ARHGAP32: variants seen among roughly 807,000 people sequenced by gnomAD.
ARHGAP32 encodes rho GTPase-activating protein 32.
A neutral mutation model predicts 186.5 loss-of-function variants in ARHGAP32; 51 were observed. That is an observed-to-expected ratio of 0.27 (90% CI 0.22 to 0.35). The LOEUF (loss-of-function observed/expected upper bound fraction) is 0.35, where lower values mean the gene tolerates loss of function less well. Ranked by LOEUF, ARHGAP32 falls within the 10% of genes least tolerant of loss-of-function variation. The pLI, the probability that ARHGAP32 is intolerant of heterozygous loss-of-function variation, is 1.00. For synonymous variants in ARHGAP32, 950 were observed against 964.3 expected (o/e 0.99, Z 0.27); for missense variants, 2,186 against 2,623.5 (o/e 0.83, Z 3.64).
chr11:129,193,350 G>T (rs1403857820), upstream of ARHGAP32, among the ~76,000 whole-genome samples: 2 of 110,046 alleles, frequency 1.8e-5, no homozygotes, highest in African/African-American at 7.2e-5. Context: ...AAGTGTGGTG[G>T]TGCACCCTGT....
intron 1 of ARHGAP32, among the ~76,000 whole-genome samples, chr11:129,204,874 T>C (rs527928996): frequency 6.6e-5 from 10 of 152,330 alleles, no homozygotes; most frequent in African/African-American, 2.2e-4. Flanking sequence ...ACTACTATTC[T>C]GGTATCAGTA....
intron 5 of ARHGAP32, among the ~76,000 whole-genome samples, chr11:129,094,819 T>G (rs909682315): frequency 6.6e-6 from 1 of 152,228 alleles, no homozygotes; most frequent in African/African-American, 2.4e-5. Context: ...CAAATGTGTT[T>G]ATAATTTGCA....
At chr11:129,231,196 T>C (rs965375455) in intron 1 of ARHGAP32, among the ~76,000 whole-genome samples, 2 of 152,202 alleles carry the variant, frequency 1.3e-5, no homozygotes, top group African/African-American at 2.4e-5. Context: ...ATACTTTGTG[T>C]TTCTTGTGCA....
rs115249876 is a variant in ARHGAP32 at position 129,233,679 on chromosome 11, G to A, written c.-5+45467C>T. Among the ~76,000 whole-genome samples the A allele has an allele frequency of 2.9e-3, 444 of 150,732 alleles. 4 individuals are homozygous for A. The highest frequency in any genetic ancestry group is 0.011 in the African/African-American group (432 of 41,128). On this transcript the variant is annotated intron_variant, in intron 1 of 6. Transcript: ENST00000525234. ...TTTGGGGATAATGGAAAAAGTAACT[G>A]CAGTATATTCATACAATGAAAATAT...
intron 2 of ARHGAP32, among the ~76,000 whole-genome samples, chr11:129,157,300 G>A (rs1347325821): frequency 1.3e-5 from 2 of 152,178 alleles, no homozygotes; most frequent in South Asian, 2.1e-4. Flanking sequence ...GGAGCATGTT[G>A]TAACCCAATG....
At chr11:129,166,321 CAAG>C (rs911183908) in intron 1 of ARHGAP32, among the ~76,000 whole-genome samples, 5 of 151,412 alleles carry the variant, frequency 3.3e-5, no homozygotes, top group African/African-American at 1.2e-4. Flanking sequence ...TTTTTTAAAA[CAAG>C]AGAATGTGAC....
At chr11:129,249,560 C>T (rs1945151180) in intron 1 of ARHGAP32, among the ~76,000 whole-genome samples, 3 of 152,082 alleles carry the variant, frequency 2.0e-5, no homozygotes, top group Admixed American at 6.6e-5. Context: ...AGCGGTTTCC[C>T]AAAGTAGACT....
At chr11:129,053,259 C>T (rs897389718) in intron 10 of ARHGAP32, among the ~76,000 whole-genome samples, 4 of 151,938 alleles carry the variant, frequency 2.6e-5, no homozygotes, top group East Asian at 1.9e-4. Context: ...AAAGTAGCAA[C>T]AAATAAAACA....
At chr11:129,025,849 T>C (rs1196288805) in intron 11 of ARHGAP32, among the ~76,000 whole-genome samples, 2 of 148,676 alleles carry the variant, frequency 1.3e-5, no homozygotes, top group East Asian at 1.9e-4. Flanking sequence ...TTTTATCATA[T>C]TATATATAAC....
chr11:129,195,533 G>A (rs1944379960), upstream of ARHGAP32, among the ~76,000 whole-genome samples: 1 of 151,774 alleles, frequency 6.6e-6, no homozygotes, highest in Non-Finnish European at 1.5e-5. Context: ...TGGGATTACA[G>A]GCACCCGCCA....
intron 2 of ARHGAP32, among the ~76,000 whole-genome samples, chr11:129,137,153 G>T (rs190214327): frequency 1.3e-5 from 2 of 150,386 alleles, no homozygotes; most frequent in East Asian, 3.9e-4. Flanking sequence ...AAAAAAAAAA[G>T]CATGGTACAA....
In ARHGAP32 at chr11:128,976,579, A is replaced by G. The variant is rs747174845; in HGVS notation, c.2178T>C (p.Ser726=). 2 of 1,613,868 alleles carry G rather than the reference A, an allele frequency of 1.2e-6. No homozygotes were observed. Among genetic ancestry groups the G allele is most frequent in the East Asian group, 2.2e-5 (1 of 44,848 alleles). Residue 726 remains serine (S), a synonymous_variant, in exon 20 of 23, where the codon TCT becomes TCC. Transcript: ENST00000682385. ...TAGTCTTACCATCAACTGCATGGAG[A>G]GATGTAAGAGACTCCTCACTTTTAG... The part of the protein sequence containing the change: ...RSAKSEESLT[S]LHAVDGDSKL...
At chr11:128,978,628 C>T (rs1945619509) in intron 19 of ARHGAP32, 142 bp downstream of exon 19, 7 of 619,834 alleles carry the variant, frequency 1.1e-5, no homozygotes, top group African/African-American at 7.7e-5. Flanking sequence ...AATAAAGAAT[C>T]GGTGAGAGAA....
intron 10 of ARHGAP32, among the ~76,000 whole-genome samples, chr11:129,058,584 G>C (rs1940361850): frequency 6.6e-6 from 1 of 152,188 alleles, no homozygotes; most frequent in Non-Finnish European, 1.5e-5. Flanking sequence ...AGGCCCCTCA[G>C]GGCTGCTGCA....
chr11:129,016,899 C>T (rs1318996554), intron 11 of ARHGAP32, among the ~76,000 whole-genome samples: 1 of 152,146 alleles, frequency 6.6e-6, no homozygotes, highest in East Asian at 1.9e-4. Context: ...ATAAATTGTT[C>T]AAATTTCCTT....
intron 6 of ARHGAP32, among the ~76,000 whole-genome samples, chr11:129,093,334 T>A (rs956497844): frequency 2.0e-5 from 3 of 152,076 alleles, no homozygotes; most frequent in Admixed American, 1.3e-4. Flanking sequence ...CTCATAAGTG[T>A]CAAAAGCCTT....
At chr11:129,174,388 C>T (rs1416373341) in intron 1 of ARHGAP32, among the ~76,000 whole-genome samples, 1 of 152,188 alleles carries the variant, frequency 6.6e-6, no homozygotes. Flanking sequence ...ATTGCCCAGG[C>T]TTGCTTAGGT....
intron 1 of ARHGAP32, among the ~76,000 whole-genome samples, chr11:129,187,686 C>T (rs1361940050): frequency 1.3e-5 from 2 of 152,002 alleles, no homozygotes; most frequent in Admixed American, 6.6e-5. Context: ...ACTATGAACC[C>T]CCTAAAATTA....
Position 129,147,748 on chromosome 11 carries a change from T to C in ARHGAP32, c.225+16571A>G, listed in dbSNP as rs1943196493. 2.6e-5 allele frequency among the ~76,000 whole-genome samples: 4 copies of C among 152,232 alleles called. No homozygotes were observed. In the South Asian group the frequency reaches 8.3e-4, roughly 32 times the overall value. ...TTTTGAATTCTCCTTTGAACCACTT[T>C]TAACAACTGACTTGTTCTTTCATTA... On this transcript the variant is annotated intron_variant, in intron 2 of 22. Transcript: ENST00000682385.
Sources: gnomAD v4.1 joint callset for allele counts (sites outside exome capture counted in the v4.1 genomes callset) on GRCh38, gnomAD v4.1.1 for gene constraint, MANE v1.5 for transcripts, NCBI Gene and HGNC (gene_info 2026-07-23, HGNC 2026-07-21) for gene names.